The following PCCA variants were observed in gnomAD, a reference collection of about 807,000 sequenced individuals.
PCCA encodes propionyl-CoA carboxylase alpha chain, mitochondrial.
Under a neutral mutation model 101.3 loss-of-function variants are expected in PCCA, and 74 were observed. The observed-to-expected ratio is 0.73, with a 90% CI of 0.61 to 0.89. The LOEUF (loss-of-function observed/expected upper bound fraction) is 0.89. PCCA is among the 40% of genes least tolerant of loss of function. The probability of loss-of-function intolerance (pLI) is 0.00; values close to 1 mark genes in which losing one functional copy is unlikely to be tolerated. For synonymous variants in PCCA, 294 were observed against 313.6 expected, an observed-to-expected ratio of 0.94 and a Z score of 0.66; for missense variants, 891 against 907.0, an observed-to-expected ratio of 0.98 and a Z score of 0.23.
chr13:100,391,790 GAATT>G (rs151315047), intron 19 of PCCA, among the ~76,000 whole-genome samples: 46,369 of 151,740 alleles, frequency 0.31, 7,427 homozygotes, highest in East Asian at 0.57. Context: ...TGTCTTGTGA[GAATT>G]AATAGAATAC....
intron 12 of PCCA, among the ~76,000 whole-genome samples, chr13:100,281,271 C>T (rs1437729729): frequency 1.3e-5 from 2 of 152,118 alleles, no homozygotes; most frequent in South Asian, 2.1e-4. Flanking sequence ...AATCTTCCGT[C>T]GGTGGCATTG....
chr13:100,098,830 AT>A (rs994667628), intron 1 of PCCA, among the ~76,000 whole-genome samples: 10 of 152,146 alleles, frequency 6.6e-5, no homozygotes, highest in African/African-American at 2.4e-4. Context: ...GACACTGAAG[AT>A]TGGAATGGTC....
At chr13:100,217,057 C>T (rs1261142826) in intron 7 of PCCA, among the ~76,000 whole-genome samples, 2 of 151,546 alleles carry the variant, frequency 1.3e-5, no homozygotes, top group African/African-American at 2.4e-5. Flanking sequence ...TGCAGTGAGC[C>T]GAGATCACGC....
intron 22 of PCCA, among the ~76,000 whole-genome samples, chr13:100,526,750 G>C (rs529274038): frequency 6.6e-6 from 1 of 152,392 alleles, no homozygotes; most frequent in African/African-American, 2.4e-5. Flanking sequence ...GGGGCAGAGC[G>C]AAGTGAGTGC....
intron 23 of PCCA, among the ~76,000 whole-genome samples, chr13:100,529,003 G>A (rs538400884): frequency 2.0e-5 from 3 of 152,296 alleles, no homozygotes; most frequent in African/African-American, 7.2e-5. Context: ...GAAGGGGCAT[G>A]GTGCCATGTG....
chr13:100,482,248 G>A (rs2084001976), intron 21 of PCCA, among the ~76,000 whole-genome samples: 1 of 152,210 alleles, frequency 6.6e-6, no homozygotes, highest in African/African-American at 2.4e-5. Context: ...AGGACTGTGT[G>A]GAGAACATGG....
intron 12 of PCCA, 126 bp from the exon 13 acceptor site, chr13:100,301,334 C>A: frequency 1.0e-6 from 1 of 985,888 alleles, no homozygotes; most frequent in Non-Finnish European, 1.6e-6. Flanking sequence ...GTTTTTTAGT[C>A]AAATATGTTC....
At chr13:100,260,393 G>T (rs554943758) in intron 9 of PCCA, among the ~76,000 whole-genome samples, 1 of 148,914 alleles carries the variant, frequency 6.7e-6, no homozygotes, top group African/African-American at 2.5e-5. Flanking sequence ...GTGTGTGTGT[G>T]TGTGTTTTTT....
intron 20 of PCCA, among the ~76,000 whole-genome samples, chr13:100,430,105 G>A (rs527253452): frequency 2.6e-5 from 4 of 151,762 alleles, no homozygotes; most frequent in African/African-American, 7.2e-5. Flanking sequence ...GAGAAACCCC[G>A]TCTCTACTAA....
At chr13:100,231,978 C>T (rs989839091) in intron 7 of PCCA, among the ~76,000 whole-genome samples, 6 of 152,100 alleles carry the variant, frequency 3.9e-5, no homozygotes, top group South Asian at 2.1e-4. Context: ...TAAGGTCATA[C>T]GCTATGTACT....
intron 19 of PCCA, 66 bp from the exon 20 acceptor site, chr13:100,425,567 G>A: frequency 9.4e-7 from 1 of 1,065,194 alleles, no homozygotes; most frequent in Non-Finnish European, 1.5e-6. Flanking sequence ...TTTGTATGCA[G>A]CAATGAACTT....
chr13:100,267,056 C>T (rs1034585686), intron 10 of PCCA, among the ~76,000 whole-genome samples: 1 of 151,972 alleles, frequency 6.6e-6, no homozygotes, highest in Non-Finnish European at 1.5e-5. Flanking sequence ...AGTAAGTGCA[C>T]AGAATTTTTA....
chr13:100,185,267 C>T (rs1275907672), intron 6 of PCCA, among the ~76,000 whole-genome samples: 1 of 152,124 alleles, frequency 6.6e-6, no homozygotes. Flanking sequence ...TTTGAACTTT[C>T]TATAGATAGA....
At position 100,301,465 on chromosome 13, in the gene PCCA, G is replaced by A. The variant is rs761295534; in HGVS notation, c.1071G>A (p.Glu357=). 13 of 1,613,934 alleles carry A rather than the reference G, an allele frequency of 8.1e-6. No individual in the cohort carries two copies. The highest frequency in any genetic ancestry group is 1.3e-5 in the African/African-American group (1 of 74,904). The change falls in exon 13 of 24, where the codon GAG becomes GAA. Residue 357 remains glutamate (E), a synonymous_variant. Transcript: ENST00000376285. ...GGCAGACCTTGGCCTTGCAGGTTGA[G>A]CATCCTGTCACAGAATGCATTACTG... is the stretch of plus-strand genomic sequence containing the variant. ...FLEMNTRLQV[E]HPVTECITGL... is the part of the protein sequence containing the mutation.
intron 6 of PCCA, among the ~76,000 whole-genome samples, chr13:100,158,189 G>A (rs1345970115): frequency 6.6e-6 from 1 of 152,204 alleles, no homozygotes; most frequent in African/African-American, 2.4e-5. Context: ...AGATATTTGT[G>A]TATCTAAACA....
chr13:100,144,261 A>G (rs1594344591), intron 4 of PCCA, among the ~76,000 whole-genome samples: 1 of 152,340 alleles, frequency 6.6e-6, no homozygotes, highest in Non-Finnish European at 1.5e-5. Context: ...GTAAGAAACT[A>G]AACAGCCATA....
At chr13:100,320,963 C>G (rs530767495) in intron 16 of PCCA, among the ~76,000 whole-genome samples, 8 of 152,222 alleles carry the variant, frequency 5.3e-5, no homozygotes, top group African/African-American at 1.9e-4. Flanking sequence ...CCAGGCTGGT[C>G]ACAAACTCCT....
In PCCA at chr13:100,268,764, G is replaced by A. The variant is rs1188239325; in HGVS notation, c.895G>A (p.Val299Met). 1.2e-6 allele frequency: 2 copies of A among 1,613,674 alleles called. No homozygotes were observed. The highest frequency in any genetic ancestry group is 1.3e-5 in the African/African-American group (1 of 75,044). Residue 299 changes from valine (V) to methionine (M), a missense_variant, in exon 11 of 24, where the codon GTG becomes ATG. By Grantham distance (21) the Val-to-Met change is conservative (BLOSUM62 1). Transcript: ENST00000376285. ...ECSIQRRNQK[V>M]VEEAPSIFLD... ...CTCAATTCAGAGAAGAAATCAGAAG[G>A]TGGTGGAGGAAGCACCAAGGTAAGT...
intron 19 of PCCA, among the ~76,000 whole-genome samples, chr13:100,405,273 T>C (rs2077606681): frequency 6.6e-6 from 1 of 152,206 alleles, no homozygotes; most frequent in African/African-American, 2.4e-5. Flanking sequence ...GGATAATTGC[T>C]CAGAACTAGA....
Sources: gnomAD v4.1 joint callset for allele counts (sites outside exome capture counted in the v4.1 genomes callset) on GRCh38, gnomAD v4.1.1 for gene constraint, MANE v1.5 for transcripts, NCBI Gene and HGNC (gene_info 2026-07-23, HGNC 2026-07-21) for gene names.